The following APLP1 variants were observed in gnomAD, a reference collection of about 807,000 sequenced individuals.
APLP1 encodes the protein amyloid beta precursor like protein 1.
Under a neutral mutation model 84.5 loss-of-function variants are expected in APLP1, and 46 were observed. The ratio of observed to expected loss-of-function variants is 0.54; its 90% CI spans 0.43 to 0.70. APLP1 has a LOEUF of 0.70. APLP1 is among the 30% of genes least tolerant of loss of function. APLP1 has a pLI of 0.00. For synonymous variants in APLP1, 376 were observed against 364.0 expected, an observed-to-expected ratio of 1.03 and a Z score of -0.38; for missense variants, 826 against 900.2, an observed-to-expected ratio of 0.92 and a Z score of 1.05.
At chr19:35,876,650 T>C (rs375513554) in intron 11 of APLP1, 34 bp downstream of exon 11, 2 of 1,540,040 alleles carry the variant, frequency 1.3e-6, no homozygotes, top group Admixed American at 3.8e-5. Flanking sequence ...CCATTACAGA[T>C]CTCTGAGGGC....
At chr19:35,876,451 C>A in intron 10 of APLP1, 66 bp from the exon 11 acceptor site, 1 of 1,374,630 alleles carries the variant, frequency 7.3e-7, no homozygotes, top group Non-Finnish European at 1.0e-6. Flanking sequence ...CTCCTTCATA[C>A]TGCTTCAGTT....
At chr19:35,876,490 T>A (rs1432386270) in intron 10 of APLP1, 27 bp from the exon 11 acceptor site, 1 of 1,590,300 alleles carries the variant, frequency 6.3e-7, no homozygotes, top group East Asian at 2.2e-5. Flanking sequence ...ATTGCGCAGT[T>A]CATCCTTCAT....
In APLP1 at chr19:35,879,352, A is replaced by G. The variant is rs141786487; in HGVS notation, c.1867A>G (p.Met623Val). Residue 623 changes from methionine (M) to valine (V), a missense_variant, in exon 17 of 17, where the codon ATG becomes GTG. Met to Val is a conservative substitution (Grantham distance 21). Around this residue, in one of 3 missense-constraint regions of APLP1, gnomAD observed 433 missense variants for 496.5 expected, o/e 0.87. Coordinates refer to ENST00000221891, the MANE Select transcript of APLP1 (RefSeq NM_001024807.3). The stretch of plus-strand genomic sequence containing the variant: ...CCCCTGCTCGTTGCAGGTGGACCCC[A>G]TGCTGACCCTGGAGGAGCAGCAGCT... ...ISHGVVEVDP[M>V]LTLEEQQLRE... 3 of 1,613,756 alleles carry G rather than the reference A, an allele frequency of 1.9e-6. No homozygotes were observed. Among genetic ancestry groups the G allele is most frequent in the Non-Finnish European group, 2.5e-6 (3 of 1,179,976 alleles).
At chr19:35,870,810 G>T in intron 2 of APLP1, 86 bp from the exon 3 acceptor site, 1 of 1,492,880 alleles carries the variant, frequency 6.7e-7, no homozygotes, top group Non-Finnish European at 9.0e-7. Flanking sequence ...GAGGGAGAAA[G>T]AAAGAGAAAA....
At chr19:35,875,499 TA>T (rs1486933152) in intron 10 of APLP1, among the ~76,000 whole-genome samples, 1 of 152,182 alleles carries the variant, frequency 6.6e-6, no homozygotes, top group Non-Finnish European at 1.5e-5. Context: ...CTGATTTTTG[TA>T]TTTTTAGTAG....
rs529044229 is a variant in APLP1 at position 35,876,669 on chromosome 19, A to T, written c.1444+53A>T. 1.3e-4 allele frequency: 189 copies of T among 1,440,328 alleles called. 1 individual carries two copies. In the African/African-American group the frequency reaches 2.3e-3, roughly 18 times the overall value. 89.2% of individuals were successfully genotyped at this position (1,440,328 alleles called of 1,614,324 possible). A position where few individuals can be genotyped will look rare whatever the true frequency, so the allele number is the denominator to read the frequency against. On this transcript the variant is annotated intron_variant, in intron 11 of 16. Transcript: ENST00000221891. ...TACAGATCTCTGAGGGCAGATCTTG[A>T]CTCCTAAATGTTGGGCCCCCCCAAT...
Position 35,868,657 on chromosome 19 carries a change from T to G in APLP1, c.21T>G (p.Ala7=), listed in dbSNP as rs1054122137. Reference sequence around the variant, plus strand: ...GGGACATGGGGCCCGCCAGCCCCGCTGCTCGCGGTCTAAGTCGCCGCCCGG... The same window carrying G: ...GGGACATGGGGCCCGCCAGCCCCGCGGCTCGCGGTCTAAGTCGCCGCCCGG... The part of the protein sequence containing the change: MGPASP[A]ARGLSRRPGQ... The change falls in exon 1 of 17, where the codon GCT becomes GCG. Residue 7 remains alanine (A), a synonymous_variant. Transcript: ENST00000221891. The surrounding 1 kb of genome is among the most constrained non-coding windows in gnomAD (Gnocchi z 5.2). 7 of 1,386,396 alleles carry G rather than the reference T, an allele frequency of 5.0e-6. No individual in the cohort carries two copies. Among genetic ancestry groups the G allele is most frequent in the African/African-American group, 3.0e-5 (2 of 65,894 alleles). 85.9% of individuals were successfully genotyped at this position (1,386,396 alleles called of 1,614,324 possible).
At chr19:35,870,521 C>G (rs528332489) in intron 2 of APLP1, 1 of 219,436 alleles carries the variant, frequency 4.6e-6, no homozygotes, top group Non-Finnish European at 9.1e-6. Context: ...CGGTGGCTCA[C>G]GCCTGTAATC....
rs982846182 is a variant in APLP1 at position 35,872,110 on chromosome 19, G to T, written c.850+74G>T. On this transcript the variant is annotated intron_variant, in intron 6 of 16. Coordinates refer to ENST00000221891, the MANE Select transcript of APLP1 (RefSeq NM_001024807.3). The stretch of plus-strand genomic sequence containing the variant: ...AGATCTGGGGGAGTCTTGCTGGGGG[G>T]TGTCTTTGGGAGGGGCCTATAGGGG... 22 of 1,534,716 alleles carry T rather than the reference G, an allele frequency of 1.4e-5. No homozygotes were observed. The East Asian group carries it at 2.3e-4, about 16-fold the overall frequency.
At position 35,874,230 on chromosome 19, in the gene APLP1, C is replaced by G. The variant is rs569806924; in HGVS notation, c.1057-274C>G. Among the ~76,000 whole-genome samples the G allele has an allele frequency of 6.6e-6, 1 of 152,186 alleles. No individual in the cohort carries two copies. Among genetic ancestry groups the G allele is most frequent in the Admixed American group, 6.5e-5 (1 of 15,270 alleles). ...GCCAGGAGCCCTGCAAGGCTTTGTCCCTTTCACCTTAACATTGGTCAGTTC... is the reference window on the plus strand; with the variant it reads ...GCCAGGAGCCCTGCAAGGCTTTGTCGCTTTCACCTTAACATTGGTCAGTTC... On this transcript the variant is annotated intron_variant, in intron 8 of 16. Coordinates refer to ENST00000221891, the MANE Select transcript of APLP1 (RefSeq NM_001024807.3). This position sits in a 1 kb window ranked among gnomAD's most constrained non-coding sequence, Gnocchi z 6.4.
intron 14 of APLP1, 114 bp from the exon 15 acceptor site, chr19:35,878,776 A>T: frequency 6.5e-7 from 1 of 1,537,516 alleles, no homozygotes; most frequent in South Asian, 1.1e-5. Context: ...GGAGCTGAGG[A>T]CGTGGAATTG....
At chr19:35,869,942 C>A in intron 2 of APLP1, 132 bp downstream of exon 2, 1 of 1,209,454 alleles carries the variant, frequency 8.3e-7, no homozygotes, top group Admixed American at 2.7e-5. Context: ...CGCAACTATG[C>A]TAGGGGCAGG....
intron 7 of APLP1, 138 bp from the exon 8 acceptor site, chr19:35,873,501 C>A: frequency 1.3e-6 from 1 of 767,310 alleles, no homozygotes; most frequent in South Asian, 1.6e-5. Flanking sequence ...CCCACCTCGG[C>A]CTCCCAAAGT....
chr19:35,872,859 T>C (rs1974193072), intron 7 of APLP1, among the ~76,000 whole-genome samples: 1 of 151,450 alleles, frequency 6.6e-6, no homozygotes, highest in African/African-American at 2.4e-5. Context: ...TTTTTTTTTT[T>C]CTTTTGTTGT....
At position 35,879,789 on chromosome 19, in the gene APLP1, A is replaced by C; in HGVS notation, c.*348A>C. 1 of 226,688 alleles carries C rather than the reference A, an allele frequency of 4.4e-6. No homozygotes were observed. Among genetic ancestry groups the C allele is most frequent in the South Asian group, 9.6e-5 (1 of 10,430 alleles). 14.0% of individuals were successfully genotyped at this position (226,688 alleles called of 1,614,324 possible). On this transcript the variant is annotated 3_prime_UTR_variant, in exon 17 of 17. Transcript: ENST00000221891. ...ACATCCCAATAAAGTCCTCTTCCCT[A>C]CCAGGCCAGTCTGAGTCTCTGTGGG...
intron 2 of APLP1, chr19:35,870,073 A>C: frequency 2.0e-6 from 1 of 509,812 alleles, no homozygotes. Context: ...GGAGTGGCGA[A>C]AGGATAGGCG....
Position 35,869,694 on chromosome 19 carries a change from C to T in APLP1, c.175C>T (p.Leu59=). Residue 59 remains leucine, a synonymous_variant, in exon 2 of 17, where the codon CTA becomes TTA. Coordinates refer to ENST00000221891, the MANE Select transcript of APLP1 (RefSeq NM_001024807.3). ...EAPGSAQVAG[L]CGRLTLHRDL... ...CCCGGGGTCGGCCCAGGTGGCTGGA[C>T]TATGCGGGCGCCTAACCCTTCACCG... 6.2e-7 allele frequency: 1 copy of T among 1,611,840 alleles called. No homozygotes were observed. The highest frequency in any genetic ancestry group is 8.5e-7 in the Non-Finnish European group (1 of 1,179,352).
chr19:35,869,371 AG>A, intron 1 of APLP1: 1 of 579,674 alleles, frequency 1.7e-6, no homozygotes, highest in Non-Finnish European at 3.0e-6. Flanking sequence ...TCCGCGATTC[AG>A]GTTTAACCCC....
chr19:35,869,153 A>AG, intron 1 of APLP1: 1 of 315,002 alleles, frequency 3.2e-6, no homozygotes, highest in African/African-American at 2.2e-5. Flanking sequence ...ACCCATATGG[A>AG]GGCCCTTGCA....
Sources: gnomAD v4.1 joint callset for allele counts (sites outside exome capture counted in the v4.1 genomes callset) on GRCh38, gnomAD v4.1.1 for gene constraint, gnomAD v4.1.1 regional missense constraint, Gnocchi (gnomAD v3.1) non-coding constraint, MANE v1.5 for transcripts, NCBI Gene and HGNC (gene_info 2026-07-23, HGNC 2026-07-21) for gene names.